The following TGIF1 variants were observed in gnomAD, a reference collection of about 807,000 sequenced individuals.
TGIF1 encodes homeobox protein TGIF1.
A neutral mutation model predicts 19.3 loss-of-function variants in TGIF1; 4 were observed. The ratio of observed to expected loss-of-function variants is 0.21; its 90% CI spans 0.10 to 0.47. The LOEUF (loss-of-function observed/expected upper bound fraction) is 0.47. Among genes scored for constraint, TGIF1 ranks in the 20% least tolerant of loss-of-function variants. The pLI, the probability that TGIF1 is intolerant of heterozygous loss-of-function variation, is 0.98. For synonymous variants in TGIF1, 122 were observed against 129.3 expected, an observed-to-expected ratio of 0.94 and a Z score of 0.38; for missense variants, 275 against 341.4, an observed-to-expected ratio of 0.81 and a Z score of 1.53.
intron 2 of TGIF1, among the ~76,000 whole-genome samples, chr18:3,437,051 G>A (rs995333360): frequency 3.3e-5 from 5 of 152,128 alleles, no homozygotes; most frequent in African/African-American, 1.2e-4. Flanking sequence ...GTTGCAGTGA[G>A]CCGAGATTGC....
At chr18:3,424,513 T>C (rs1264084574) in intron 2 of TGIF1, among the ~76,000 whole-genome samples, 3 of 151,794 alleles carry the variant, frequency 2.0e-5, no homozygotes, top group Admixed American at 6.6e-5. Context: ...TACTACTTGG[T>C]CTTCTACCCA....
upstream of TGIF1, chr18:3,449,538 TCCCCCCCGCCCCAC>T: frequency 1.0e-6 from 1 of 961,946 alleles, no homozygotes; most frequent in Non-Finnish European, 1.2e-6. Flanking sequence ...GTCTCATCAT[TCCCCCCCGCCCCAC>T]CCCCGCCGAC....
chr18:3,447,766 A>AT (rs778278624), upstream of TGIF1: 1 of 1,614,160 alleles, frequency 6.2e-7, no homozygotes, highest in South Asian at 1.1e-5. Context: ...AAAGTTGTGC[A>AT]TTGGCCCGAT....
chr18:3,440,641 A>C (rs1449609898), intron 2 of TGIF1, among the ~76,000 whole-genome samples: 1 of 152,180 alleles, frequency 6.6e-6, no homozygotes, highest in Non-Finnish European at 1.5e-5. Context: ...GTCCCATTTC[A>C]GATGCCTGCT....
chr18:3,457,716 G>A lies in TGIF1; in HGVS notation c.595G>A (p.Asp199Asn). The change falls in exon 3 of 3, where the codon GAT (aspartate) becomes AAT (asparagine). Residue 199 changes from aspartate to asparagine, a missense_variant. Transcript: ENST00000343820. The surrounding 1 kb of genome is among the most constrained non-coding windows in gnomAD (Gnocchi z 4.9). ...GTCGGTCGGTGTGGGACAAAACACA[G>A]ATATACAGCAGATAGCGGCCAAAAA... ...CQSVGVGQNT[D>N]IQQIAAKNFT... 1 of 1,614,198 alleles carries A rather than the reference G, an allele frequency of 6.2e-7. No homozygotes were observed. Among genetic ancestry groups the A allele is most frequent in the Non-Finnish European group, 8.5e-7 (1 of 1,180,044 alleles).
intron 1 of TGIF1, chr18:3,452,066 A>G: frequency 6.2e-7 from 1 of 1,613,564 alleles, no homozygotes; most frequent in Non-Finnish European, 8.5e-7. Flanking sequence ...ATTCCTTTCC[A>G]TGGCCCGCCT....
At chr18:3,449,445 C>A, upstream of TGIF1, 1 of 985,498 alleles carries the variant, frequency 1.0e-6, no homozygotes, top group Non-Finnish European at 1.2e-6. Flanking sequence ...CTGTCCGCAA[C>A]GTGTCAGATT....
chr18:3,449,750 C>T (rs1020354410), upstream of TGIF1: 29 of 985,354 alleles, frequency 2.9e-5, no homozygotes, highest in Non-Finnish European at 3.4e-5. Flanking sequence ...CAGTAGAGTT[C>T]GGGGCAGCTG....
At chr18:3,429,507 T>A (rs2082519454) in intron 2 of TGIF1, among the ~76,000 whole-genome samples, 1 of 152,194 alleles carries the variant, frequency 6.6e-6, no homozygotes, top group Non-Finnish European at 1.5e-5. Context: ...GATTCAAAAT[T>A]TAAATTTAAA....
intron 1 of TGIF1, 68 bp downstream of exon 1, chr18:3,450,573 C>G (rs1341206847): frequency 6.5e-7 from 1 of 1,549,038 alleles, no homozygotes; most frequent in Non-Finnish European, 8.7e-7. Flanking sequence ...CCGGGCCGCG[C>G]CGCGCGGAGT....
Position 3,456,985 on chromosome 18 carries a change from G to A in TGIF1, c.244-380G>A. Reference sequence around the variant, plus strand: ...AGGAGTGGCCCTTTTCATAAGGAGAGGTTTTCCTGTAGTTGATTAACTTAA... The same window carrying A: ...AGGAGTGGCCCTTTTCATAAGGAGAAGTTTTCCTGTAGTTGATTAACTTAA... On this transcript the variant is annotated intron_variant, in intron 2 of 2. Transcript: ENST00000343820. The surrounding 1 kb of genome is among the most constrained non-coding windows in gnomAD (Gnocchi z 4.2). 1.8e-6 allele frequency: 1 copy of A among 563,770 alleles called. No homozygotes were observed. The highest frequency in any genetic ancestry group is 3.1e-6 in the Non-Finnish European group (1 of 320,700). The allele number at this position is 563,770 out of a possible 1,614,324, so 34.9% of individuals were successfully genotyped here. A position where few individuals can be genotyped will look rare whatever the true frequency, so the allele number is the denominator to read the frequency against.
At chr18:3,419,831 C>A (rs1395254131) in intron 2 of TGIF1, among the ~76,000 whole-genome samples, 1 of 152,056 alleles carries the variant, frequency 6.6e-6, no homozygotes. Context: ...CATAGCAAAA[C>A]CCCTCCTCTA....
intron 2 of TGIF1, among the ~76,000 whole-genome samples, chr18:3,423,467 C>G (rs1267167698): frequency 6.6e-6 from 1 of 152,018 alleles, no homozygotes; most frequent in Non-Finnish European, 1.5e-5. Context: ...ATCACGAGGT[C>G]AGGACATCGA....
chr18:3,452,895 T>C (rs2083025823), intron 1 of TGIF1, among the ~76,000 whole-genome samples: 1 of 152,142 alleles, frequency 6.6e-6, no homozygotes, highest in Non-Finnish European at 1.5e-5. Flanking sequence ...CCCAGAAAGC[T>C]GAGAGTGACG....
intron 2 of TGIF1, among the ~76,000 whole-genome samples, chr18:3,428,323 A>G (rs2082500401): frequency 6.6e-6 from 1 of 152,240 alleles, no homozygotes; most frequent in African/African-American, 2.4e-5. Flanking sequence ...CGTGCATGGC[A>G]TATGATGGTG....
chr18:3,458,202 T>G lies in TGIF1; in HGVS notation c.*262T>G. ...ATGTGAGATGGTTCCCAATATCATGTGATTTTTTTTTTCCTCCCCTTCCCT... is the reference window on the plus strand; with the variant it reads ...ATGTGAGATGGTTCCCAATATCATGGGATTTTTTTTTTCCTCCCCTTCCCT... On this transcript the variant is annotated 3_prime_UTR_variant, in exon 3 of 3. Transcript: ENST00000343820. 2.3e-6 allele frequency: 1 copy of G among 436,590 alleles called. No homozygotes were observed. The highest frequency in any genetic ancestry group is 4.0e-6 in the Non-Finnish European group (1 of 253,112). 27.0% of individuals were successfully genotyped at this position (436,590 alleles called of 1,614,324 possible).
intron 2 of TGIF1, among the ~76,000 whole-genome samples, chr18:3,428,939 G>T (rs1265133278): frequency 6.6e-6 from 1 of 152,050 alleles, no homozygotes; most frequent in East Asian, 1.9e-4. Context: ...TGTAGTCCCA[G>T]CTACTCAGGA....
Position 3,450,182 on chromosome 18 carries a change from C to A in TGIF1, c.-308C>A. 3 of 1,332,234 alleles carry A rather than the reference C, an allele frequency of 2.3e-6. No homozygotes were observed. The highest frequency in any genetic ancestry group is 2.9e-6 in the Non-Finnish European group (3 of 1,038,152). The allele number at this position is 1,332,234 out of a possible 1,614,324, so 82.5% of individuals were successfully genotyped here. A position where few individuals can be genotyped will look rare whatever the true frequency, so the allele number is the denominator to read the frequency against. On this transcript the variant is annotated 5_prime_UTR_variant, in exon 1 of 3. Coordinates refer to ENST00000343820, the MANE Select transcript of TGIF1 (RefSeq NM_003244.4). ...CTCCTCGCCTCTCTCACTCTGACAG[C>A]GCCGAGGTGCGCCGAGCAGGAGCAG...
rs199580307 is a variant in TGIF1 at position 3,457,498 on chromosome 18, T to C, written c.377T>C (p.Val126Ala). ...TCTGAAACGAGCTCTGTGGAGTCCG[T>C]GATGGGCATCAAAAACTTCATGCCA... ...KISETSSVES[V>A]MGIKNFMPAL... The change falls in exon 3 of 3, where the codon GTG (valine) becomes GCG (alanine). Residue 126 changes from valine (V) to alanine (A), a missense_variant. Transcript: ENST00000343820. The surrounding 1 kb of genome is among the most constrained non-coding windows in gnomAD (Gnocchi z 4.9). 5.5e-5 allele frequency: 88 copies of C among 1,614,190 alleles called. 1 individual carries two copies. The East Asian group carries it at 1.4e-3, about 27-fold the overall frequency.
Sources: allele counts gnomAD v4.1 joint callset (sites outside exome capture counted in the v4.1 genomes callset), GRCh38; gene constraint gnomAD v4.1.1; non-coding constraint Gnocchi (gnomAD v3.1); transcripts MANE v1.5; gene names NCBI Gene and HGNC (gene_info 2026-07-23, HGNC 2026-07-21).